LARS1: variants seen among roughly 807,000 people sequenced by gnomAD.
The protein encoded by LARS1 is leucyl-tRNA synthetase 1, also known as leucine--tRNA ligase, cytoplasmic.
LARS1 carries 100 observed loss-of-function variants against 162.8 expected under a neutral mutation model. The observed-to-expected ratio is 0.61, with a 90% confidence interval of 0.52 to 0.73. The LOEUF (loss-of-function observed/expected upper bound fraction) is 0.73. Among genes scored for constraint, LARS1 ranks in the 30% least tolerant of loss-of-function variants. The pLI, the probability that LARS1 is intolerant of heterozygous loss-of-function variation, is 0.00. For missense variants in LARS1, 1,258 were observed against 1,408.9 expected, an observed-to-expected ratio of 0.89 and a Z score of 1.71; for synonymous variants, 457 against 462.8, an observed-to-expected ratio of 0.99 and a Z score of 0.16.
At chr5:146,125,352 A>T (rs1345142647) in intron 28 of LARS1, among the ~76,000 whole-genome samples, 4 of 152,002 alleles carry the variant, frequency 2.6e-5, no homozygotes. Context: ...CAAGAATACT[A>T]ATCTATTATA....
chr5:146,174,306 G>A (rs1359675694), intron 2 of LARS1, among the ~76,000 whole-genome samples: 3 of 149,796 alleles, frequency 2.0e-5, no homozygotes, highest in Non-Finnish European at 4.4e-5. Context: ...TTAGCTGTGC[G>A]TGGTGGCGCA....
intron 8 of LARS1, among the ~76,000 whole-genome samples, chr5:146,159,095 GA>G (rs544238073): frequency 1.6e-3 from 212 of 135,192 alleles, no homozygotes; most frequent in Admixed American, 1.4e-3. Flanking sequence ...GACTCCGTCT[GA>G]AAAAAAAAAA....
At chr5:146,158,294 C>G (rs1174831977) in intron 8 of LARS1, among the ~76,000 whole-genome samples, 1 of 152,180 alleles carries the variant, frequency 6.6e-6, no homozygotes, top group Non-Finnish European at 1.5e-5. Flanking sequence ...CAAAGGATTA[C>G]TGAAATCTAG....
intron 5 of LARS1, among the ~76,000 whole-genome samples, chr5:146,166,470 G>A (rs2126563123): frequency 6.6e-6 from 1 of 152,266 alleles, no homozygotes; most frequent in Non-Finnish European, 1.5e-5. Flanking sequence ...AGCTACTCAG[G>A]AGACTGAGGT....
intron 4 of LARS1, among the ~76,000 whole-genome samples, chr5:146,171,014 T>C (rs541477942): frequency 3.3e-5 from 5 of 152,200 alleles, no homozygotes; most frequent in African/African-American, 9.6e-5. Flanking sequence ...AGGGTGTTCA[T>C]TGTACTACCA....
intron 15 of LARS1, among the ~76,000 whole-genome samples, chr5:146,146,957 C>T (rs760793002): frequency 2.6e-5 from 4 of 151,930 alleles, no homozygotes; most frequent in Non-Finnish European, 4.4e-5. Flanking sequence ...AGTGATCCAC[C>T]GGTCTCAGCC....
chr5:146,146,839 G>A lies in LARS1; in HGVS notation c.1504-2130C>T, dbSNP rs139383030. On this transcript the variant is annotated intron_variant, in intron 15 of 31. Coordinates refer to ENST00000394434, the MANE Select transcript of LARS1 (RefSeq NM_020117.11). ...AGCGATTCTCATGCCTCAGCCTCCC[G>A]AATAGCTGGAATTAGAGGCAGACAC... Among the ~76,000 whole-genome samples, 342 of 151,640 alleles carry A rather than the reference G, an allele frequency of 2.3e-3. 3 individuals carry two copies. The highest frequency in any genetic ancestry group is 7.7e-3 in the African/African-American group (319 of 41,294).
At chr5:146,141,354 T>G (rs1462507316) in intron 20 of LARS1, among the ~76,000 whole-genome samples, 2 of 152,214 alleles carry the variant, frequency 1.3e-5, no homozygotes. Context: ...ATTTAAAAAG[T>G]ACCTGGCATA....
intron 21 of LARS1, chr5:146,138,828 C>A: frequency 4.2e-6 from 1 of 235,666 alleles, no homozygotes; most frequent in Non-Finnish European, 9.2e-6. Flanking sequence ...GCTATGTATA[C>A]AAAGCAAAGA....
intron 22 of LARS1, among the ~76,000 whole-genome samples, chr5:146,135,269 G>A (rs1214829512): frequency 1.3e-5 from 2 of 150,552 alleles, no homozygotes; most frequent in Admixed American, 6.6e-5. Flanking sequence ...CACCCACCTC[G>A]GCCTCCCAAA....
intron 28 of LARS1, 81 bp downstream of exon 28, chr5:146,126,354 T>A: frequency 1.3e-6 from 1 of 788,016 alleles, no homozygotes; most frequent in Non-Finnish European, 2.1e-6. Flanking sequence ...GGAGACTATG[T>A]CCAAGGCTTT....
intron 13 of LARS1, among the ~76,000 whole-genome samples, chr5:146,152,310 T>A (rs976452011): frequency 1.3e-5 from 2 of 151,970 alleles, no homozygotes; most frequent in African/African-American, 4.8e-5. Flanking sequence ...ATACTGAAAC[T>A]AGCAAAATGA....
chr5:146,181,149 T>A (rs1486414443), intron 1 of LARS1: 2 of 152,036 alleles, frequency 1.3e-5, no homozygotes, highest in East Asian at 3.9e-4. Flanking sequence ...GTCAGGAAAT[T>A]GAGTCCATCC....
chr5:146,162,410 T>C (rs1209521621), intron 6 of LARS1, among the ~76,000 whole-genome samples: 1 of 152,098 alleles, frequency 6.6e-6, no homozygotes, highest in East Asian at 1.9e-4. Flanking sequence ...AACAGTAATA[T>C]TTTGAAAGAA....
In LARS1 at chr5:146,120,516, C is replaced by T. The variant is rs1456791978; in HGVS notation, c.3193-13G>A. On this transcript the variant is annotated splice_polypyrimidine_tract_variant and intron_variant, in intron 30 of 31. Coordinates refer to ENST00000394434, the MANE Select transcript of LARS1 (RefSeq NM_020117.11). ...CGGACACACCAGGCTAGGAAAACAACAAGAAAATGATTGTTTAACTTGAAT... is the reference window on the plus strand; with the variant it reads ...CGGACACACCAGGCTAGGAAAACAATAAGAAAATGATTGTTTAACTTGAAT... 6.2e-7 allele frequency: 1 copy of T among 1,605,896 alleles called. No individual in the cohort carries two copies. The highest frequency in any genetic ancestry group is 1.7e-5 in the Admixed American group (1 of 57,338).
At chr5:146,154,334 T>C (rs184059423) in intron 10 of LARS1, among the ~76,000 whole-genome samples, 1 of 152,296 alleles carries the variant, frequency 6.6e-6, no homozygotes, top group East Asian at 1.9e-4. Flanking sequence ...TGCATACCAC[T>C]GCACCTGATT....
At chr5:146,159,339 CT>C in intron 8 of LARS1, 67 bp downstream of exon 8, 2 of 1,284,324 alleles carry the variant, frequency 1.6e-6, no homozygotes, top group Non-Finnish European at 2.2e-6. Context: ...TTTTAGGTTT[CT>C]ATTTCTTAAA....
rs901728712 is a variant in LARS1, at chr5:146,182,614, C to A, written c.-121G>T. On this transcript the variant is annotated 5_prime_UTR_variant, in exon 1 of 32. Transcript: ENST00000394434. The stretch of plus-strand genomic sequence containing the variant: ...GCCTCCCACGAAACTAAAGCACACG[C>A]TTCACACCTGCTGAGGCAATCATCC... 2.3e-6 allele frequency: 3 copies of A among 1,295,542 alleles called. No individual in the cohort carries two copies. In the African/African-American group the frequency reaches 4.4e-5, roughly 19 times the overall value. 80.3% of individuals were successfully genotyped at this position (1,295,542 alleles called of 1,614,324 possible).
At position 146,153,781 on chromosome 5, in the gene LARS1, C is replaced by T. The variant is rs762386770; in HGVS notation, c.1183G>A (p.Asp395Asn). The T allele has an allele frequency of 1.9e-5, 30 of 1,613,790 alleles. No individual in the cohort carries two copies. The East Asian group carries it at 5.1e-4, about 28-fold the overall frequency. ...AGGGCAGCAATATCATCAGGGGAGT[C>T]GGAAGGAACACTTGTAACCACACCA... ...GTGVVTSVPS[D>N]SPDDIAALRD... is the part of the protein sequence containing the mutation. The change falls in exon 12 of 32, where the codon GAC becomes AAC. Residue 395 changes from aspartate (D) to asparagine (N), a missense_variant. Physicochemically the swap from Asp to Asn is conservative, Grantham distance 23. Transcript: ENST00000394434.
Sources: gnomAD v4.1 joint callset for allele counts (sites outside exome capture counted in the v4.1 genomes callset) on GRCh38, gnomAD v4.1.1 for gene constraint, MANE v1.5 for transcripts, NCBI Gene and HGNC (gene_info 2026-07-23, HGNC 2026-07-21) for gene names.